OR4C11: variants seen among roughly 807,000 people sequenced by gnomAD.
OR4C11 encodes the protein olfactory receptor family 4 subfamily C member 11, also known as olfactory receptor 4C11.
In OR4C11, 15 loss-of-function variants were observed where a neutral mutation model predicts 14.7. That is an observed-to-expected ratio of 1.02 (90% CI 0.68 to 1.58). The LOEUF is 1.58. OR4C11 is among the 40% of genes most tolerant of loss of function. The pLI, the probability that OR4C11 is intolerant of heterozygous loss-of-function variation, is 0.00. For synonymous variants in OR4C11, 146 were observed against 135.0 expected, an observed-to-expected ratio of 1.08 and a Z score of -0.57; for missense variants, 473 against 383.0, an observed-to-expected ratio of 1.24 and a Z score of -1.96.
chr11:55,604,036 A>G lies in OR4C11; in HGVS notation c.338T>C (p.Leu113Pro). 2 of 1,486,200 alleles carry G rather than the reference A, an allele frequency of 1.3e-6. 1 individual carries two copies. Among genetic ancestry groups the G allele is most frequent in the Non-Finnish European group, 1.8e-6 (2 of 1,091,520 alleles). The allele number at this position is 1,486,200 out of a possible 1,614,324, so 92.1% of individuals were successfully genotyped here. A position where few individuals can be genotyped will look rare whatever the true frequency, so the allele number is the denominator to read the frequency against. ...ATAGCGATCAACAGCCATGAGAATG[A>G]GGACAAAGATCTCCATGCAGCCAAA... ...HLFGCMEIFV[L>P]ILMAVDRYVA... The change falls in exon 4 of 4, where the codon CTC (leucine) becomes CCC (proline). Residue 113 changes from leucine to proline, a missense_variant. Coordinates refer to ENST00000641580, the MANE Select transcript of OR4C11 (RefSeq NM_001004700.3).
Position 55,602,501 on chromosome 11 carries a change from T to A in OR4C11, c.*940A>T, listed in dbSNP as rs1163052039. 10 of 138,178 alleles carry A rather than the reference T, an allele frequency of 7.2e-5. 2 individuals are homozygous for A. The highest frequency in any genetic ancestry group is 5.5e-4 in the Admixed American group (7 of 12,670). 8.6% of individuals were successfully genotyped at this position (138,178 alleles called of 1,614,324 possible). On this transcript the variant is annotated 3_prime_UTR_variant, in exon 4 of 4. Coordinates refer to ENST00000641580, the MANE Select transcript of OR4C11 (RefSeq NM_001004700.3). ...TGAAAATTCCATTGCCAATTCTAAC[T>A]TGTGATTCTATGCAGCCCCAATTAT...
chr11:55,605,660 A>C (rs1456913941), intron 2 of OR4C11, among the ~76,000 whole-genome samples: 1 of 138,662 alleles, frequency 7.2e-6, no homozygotes, highest in Non-Finnish European at 1.6e-5. Flanking sequence ...AGCTTTTTAA[A>C]ATGTAAATTG....
chr11:55,604,300 A>G lies in OR4C11; in HGVS notation c.74T>C (p.Val25Ala), dbSNP rs1189170075. The G allele has an allele frequency of 3.5e-6, 5 of 1,421,902 alleles. 1 individual carries two copies. The highest frequency in any genetic ancestry group is 1.2e-5 in the South Asian group (1 of 81,724). 88.1% of individuals were successfully genotyped at this position (1,421,902 alleles called of 1,614,324 possible). A position where few individuals can be genotyped will look rare whatever the true frequency, so the allele number is the denominator to read the frequency against. Residue 25 changes from valine (V) to alanine (A), a missense_variant, in exon 4 of 4, where the codon GTG becomes GCG. Val to Ala is a moderately conservative substitution (Grantham distance 64, BLOSUM62 0). Coordinates refer to ENST00000641580, the MANE Select transcript of OR4C11 (RefSeq NM_001004700.3). ...LTQDPLRQKI[V>A]FVIFLIFYMG... ...ATAGAAAATTAAGAAGATTACAAAC[A>G]CTATTTTCTGCCTCAAGGGATCCTG...
intron 1 of OR4C11, among the ~76,000 whole-genome samples, chr11:55,606,896 T>TTATG (rs1857968841): frequency 7.2e-6 from 1 of 138,890 alleles, no homozygotes; most frequent in South Asian, 2.3e-4. Flanking sequence ...TTACACATTT[T>TTATG]TATAGTACTA....
In OR4C11 at chr11:55,603,294, C is replaced by T. The variant is rs1412686007; in HGVS notation, c.*147G>A. On this transcript the variant is annotated 3_prime_UTR_variant, in exon 4 of 4. Transcript: ENST00000641580. ...GACAATGTCTTGGTAGTCACAACTC[C>T]TGTTAACTAGAAAACATAGGAACCC... is the stretch of plus-strand genomic sequence containing the variant. The T allele has an allele frequency of 1.2e-5, 6 of 490,480 alleles. No individual in the cohort carries two copies. The East Asian group carries it at 2.2e-4, about 18-fold the overall frequency. The allele number at this position is 490,480 out of a possible 1,614,324, so 30.4% of individuals were successfully genotyped here.
chr11:55,603,815 A>G lies in OR4C11; in HGVS notation c.559T>C (p.Cys187Arg). The G allele has an allele frequency of 6.7e-7, 1 of 1,490,224 alleles. No homozygotes were observed. The highest frequency in any genetic ancestry group is 9.1e-7 in the Non-Finnish European group (1 of 1,095,532). The allele number at this position is 1,490,224 out of a possible 1,614,324, so 92.3% of individuals were successfully genotyped here. A position where few individuals can be genotyped will look rare whatever the true frequency, so the allele number is the denominator to read the frequency against. Residue 187 changes from cysteine (C) to arginine (R), a missense_variant, in exon 4 of 4, where the codon TGC becomes CGC. Cys to Arg is a radical substitution (Grantham distance 180). Coordinates refer to ENST00000641580, the MANE Select transcript of OR4C11 (RefSeq NM_001004700.3). ...CDLQPLLKLA[C>R]MDTYMINLLL... ...AGGTTGATCATGTAAGTGTCCATGC[A>G]GGCAAGTTTCAACAAGGGCTGCAAA...
In OR4C11 at chr11:55,607,293, G is replaced by C. The variant is rs1857973445; in HGVS notation, c.-371C>G. 1.4e-5 allele frequency: 2 copies of C among 138,520 alleles called. 1 individual carries two copies. Among genetic ancestry groups the C allele is most frequent in the Non-Finnish European group, 3.2e-5 (2 of 62,292 alleles). 8.6% of individuals were successfully genotyped at this position (138,520 alleles called of 1,614,324 possible). On this transcript the variant is annotated 5_prime_UTR_variant, in exon 1 of 4. Coordinates refer to ENST00000641580, the MANE Select transcript of OR4C11 (RefSeq NM_001004700.3). ...TTCTACCAACAGCTCTTACCTGGTA[G>C]TGCCCATTTCCATCAAGAAATTCTG...
Position 55,602,893 on chromosome 11 carries a change from G to A in OR4C11, c.*548C>T, listed in dbSNP as rs1857901788. ...GGAAGCTTGATACCTTATTGCAAAT[G>A]CATTAGGGAAGGAATTTGACATTTC... On this transcript the variant is annotated 3_prime_UTR_variant, in exon 4 of 4. Coordinates refer to ENST00000641580, the MANE Select transcript of OR4C11 (RefSeq NM_001004700.3). The A allele has an allele frequency of 7.2e-6, 1 of 139,296 alleles. No homozygotes were observed. Among genetic ancestry groups the A allele is most frequent in the African/African-American group, 2.5e-5 (1 of 40,060 alleles). The allele number at this position is 139,296 out of a possible 1,614,324, so 8.6% of individuals were successfully genotyped here. A position where few individuals can be genotyped will look rare whatever the true frequency, so the allele number is the denominator to read the frequency against.
At position 55,604,078 on chromosome 11, in the gene OR4C11, A is replaced by G. The variant is rs1565064576; in HGVS notation, c.296T>C (p.Val99Ala). ...IITYNECMTQ[V>A]FALHLFGCME... ...GCAGCCAAATAAATGTAGTGCAAAGACTTGTGTCATGCACTCATTGTAGGT... is the reference window on the plus strand; with the variant it reads ...GCAGCCAAATAAATGTAGTGCAAAGGCTTGTGTCATGCACTCATTGTAGGT... Residue 99 changes from valine to alanine, a missense_variant, in exon 4 of 4, where the codon GTC (valine) becomes GCC (alanine). Coordinates refer to ENST00000641580, the MANE Select transcript of OR4C11 (RefSeq NM_001004700.3). 1 of 1,486,154 alleles carries G rather than the reference A, an allele frequency of 6.7e-7. No homozygotes were observed. The highest frequency in any genetic ancestry group is 9.2e-7 in the Non-Finnish European group (1 of 1,091,458). The allele number at this position is 1,486,154 out of a possible 1,614,324, so 92.1% of individuals were successfully genotyped here.
Position 55,603,743 on chromosome 11 carries a change from T to G in OR4C11, c.631A>C (p.Ile211Leu). The G allele has an allele frequency of 3.4e-6, 5 of 1,491,512 alleles. 2 individuals are homozygous for G. The highest frequency in any genetic ancestry group is 4.6e-6 in the Non-Finnish European group (5 of 1,096,546). 92.4% of individuals were successfully genotyped at this position (1,491,512 alleles called of 1,614,324 possible). ...ATGACAATATATGAAATTATCAAAATCATGAAACTACTTGAGCAAATTGCC... is the reference window on the plus strand; with the variant it reads ...ATGACAATATATGAAATTATCAAAAGCATGAAACTACTTGAGCAAATTGCC... Reference protein sequence around the residue: ...SGAICSSSFMILIISYIVILH... With the variant: ...SGAICSSSFMLLIISYIVILH... Residue 211 changes from isoleucine to leucine, a missense_variant, in exon 4 of 4, where the codon ATT becomes CTT. Transcript: ENST00000641580.
intron 2 of OR4C11, among the ~76,000 whole-genome samples, chr11:55,605,596 G>A (rs893501909): frequency 4.4e-5 from 6 of 137,814 alleles, no homozygotes; most frequent in African/African-American, 7.6e-5. Context: ...AAATTAAAAG[G>A]GAAGTGTCAA....
Position 55,603,543 on chromosome 11 carries a change from T to C in OR4C11, c.831A>G (p.Thr277=), listed in dbSNP as rs1857912433. Residue 277 remains threonine, a synonymous_variant, in exon 4 of 4, where the codon ACA becomes ACG. Coordinates refer to ENST00000641580, the MANE Select transcript of OR4C11 (RefSeq NM_001004700.3). The stretch of plus-strand genomic sequence containing the variant: ...TGTAGATGAGTGGATTGAGAAAGGG[T>C]GTTCCAATAGTATAAAATACTGCCA... ...KMVAVFYTIG[T]PFLNPLIYTL... 2.0e-6 allele frequency: 3 copies of C among 1,464,356 alleles called. 1 individual carries two copies. Among genetic ancestry groups the C allele is most frequent in the Non-Finnish European group, 2.8e-6 (3 of 1,076,882 alleles). The allele number at this position is 1,464,356 out of a possible 1,614,324, so 90.7% of individuals were successfully genotyped here.
In OR4C11 at chr11:55,603,977, T is replaced by C. The variant is rs1336394535; in HGVS notation, c.397A>G (p.Ile133Val). ...ATGATGCAGACCTGCTGGCTCATGA[T>C]GGTTGGGTAACGCAAGGGCTTACAG... ...AICKPLRYPTIMSQQVCIILI... is the reference protein window; with the variant it reads ...AICKPLRYPTVMSQQVCIILI... Residue 133 changes from isoleucine (I) to valine (V), a missense_variant, in exon 4 of 4, where the codon ATC (isoleucine) becomes GTC (valine). Physicochemically the swap from Ile to Val is conservative, Grantham distance 29 (BLOSUM62 3). Transcript: ENST00000641580. 4 of 1,490,268 alleles carry C rather than the reference T, an allele frequency of 2.7e-6. 1 individual carries two copies. The highest frequency in any genetic ancestry group is 5.2e-5 in the East Asian group (2 of 38,742). 92.3% of individuals were successfully genotyped at this position (1,490,268 alleles called of 1,614,324 possible). A position where few individuals can be genotyped will look rare whatever the true frequency, so the allele number is the denominator to read the frequency against.
At position 55,604,992 on chromosome 11, in the gene OR4C11, A is replaced by C. The variant is rs1199401914; in HGVS notation, c.-45+134T>G. 1.4e-5 allele frequency: 2 copies of C among 138,540 alleles called. 1 individual carries two copies. The highest frequency in any genetic ancestry group is 4.7e-4 in the East Asian group (2 of 4,234). 8.6% of individuals were successfully genotyped at this position (138,540 alleles called of 1,614,324 possible). A position where few individuals can be genotyped will look rare whatever the true frequency, so the allele number is the denominator to read the frequency against. On this transcript the variant is annotated intron_variant, in intron 3 of 3. Coordinates refer to ENST00000641580, the MANE Select transcript of OR4C11 (RefSeq NM_001004700.3). ...TACATGTATGTGGGTGTGTGTGCAC[A>C]CACACACACATACACAGAGAAAGAG...
Position 55,604,222 on chromosome 11 carries a change from C to T in OR4C11, c.152G>A (p.Arg51Gln), listed in dbSNP as rs140943798. The T allele has an allele frequency of 8.2e-4, 1,212 of 1,479,460 alleles. 250 individuals are homozygous for T. The highest frequency in any genetic ancestry group is 1.0e-3 in the Non-Finnish European group (1,118 of 1,086,592). The allele number at this position is 1,479,460 out of a possible 1,614,324, so 91.6% of individuals were successfully genotyped here. ...GAAGTACATGGGGCTTCCTAGTGTC[C>T]GGCTGGACTTGATGGTCACAATAAT... The part of the protein sequence containing the change: ...MLIIVTIKSS[R>Q]TLGSPMYFFL... The change falls in exon 4 of 4, where the codon CGG becomes CAG. Residue 51 changes from arginine to glutamine, a missense_variant. Coordinates refer to ENST00000641580, the MANE Select transcript of OR4C11 (RefSeq NM_001004700.3).
In OR4C11 at chr11:55,606,055, ACAAT is replaced by A. The variant is rs1857955873; in HGVS notation, c.-207+463_-207+466del. Reference sequence around the variant, plus strand: ...GACGCACTCATTCACAGAAACAAGGACAATCATTTTGCCTTTTTAGATGGTAGCA... The same window carrying A: ...GACGCACTCATTCACAGAAACAAGGACATTTTGCCTTTTTAGATGGTAGCA... On this transcript the variant is annotated intron_variant, in intron 2 of 3. Coordinates refer to ENST00000641580, the MANE Select transcript of OR4C11 (RefSeq NM_001004700.3). 7.2e-5 allele frequency among the ~76,000 whole-genome samples: 10 copies of A among 138,256 alleles called. 3 individuals are homozygous for A. 90.7% of individuals were successfully genotyped at this position (138,256 alleles called of 152,430 possible). A position where few individuals can be genotyped will look rare whatever the true frequency, so the allele number is the denominator to read the frequency against.
In OR4C11 at chr11:55,604,852, G is replaced by C. The variant is rs185458474; in HGVS notation, c.-45+274C>G. Among the ~76,000 whole-genome samples, 78 of 137,198 alleles carry C rather than the reference G, an allele frequency of 5.7e-4. 9 individuals are homozygous for C. The highest frequency in any genetic ancestry group is 3.8e-3 in the Middle Eastern group (1 of 260). The allele number at this position is 137,198 out of a possible 152,430, so 90.0% of individuals were successfully genotyped here. On this transcript the variant is annotated intron_variant, in intron 3 of 3. Transcript: ENST00000641580. ...AAAATGTACATGACTTACTACAATA[G>C]GCTTTCACATTATTTGAACCTGACA...
intron 1 of OR4C11, among the ~76,000 whole-genome samples, 183 bp downstream of exon 1, chr11:55,607,104 C>T (rs749682043): frequency 2.2e-5 from 3 of 138,056 alleles, no homozygotes; most frequent in Non-Finnish European, 3.2e-5. Flanking sequence ...AGCATCCTAC[C>T]GTGGGCGACA....
At position 55,604,434 on chromosome 11, in the gene OR4C11, G is replaced by T. The variant is rs1158563118; in HGVS notation, c.-44-17C>A. Reference sequence around the variant, plus strand: ...CTAGTTAATCTGCAAAAGAAAAAAAGAAATAGATTCTAAATTTAGAGGTCA... The same window carrying T: ...CTAGTTAATCTGCAAAAGAAAAAAATAAATAGATTCTAAATTTAGAGGTCA... On this transcript the variant is annotated splice_polypyrimidine_tract_variant and intron_variant, in intron 3 of 3. Transcript: ENST00000641580. The T allele has an allele frequency of 5.6e-6, 4 of 712,900 alleles. No individual in the cohort carries two copies. Among genetic ancestry groups the T allele is most frequent in the East Asian group, 3.2e-5 (1 of 31,608 alleles). The allele number at this position is 712,900 out of a possible 1,614,324, so 44.2% of individuals were successfully genotyped here. A position where few individuals can be genotyped will look rare whatever the true frequency, so the allele number is the denominator to read the frequency against.
Sources: gnomAD v4.1 joint callset for allele counts (sites outside exome capture counted in the v4.1 genomes callset) on GRCh38, gnomAD v4.1.1 for gene constraint, MANE v1.5 for transcripts, NCBI Gene and HGNC (gene_info 2026-07-23, HGNC 2026-07-21) for gene names.